ITGA8: variants seen among roughly 807,000 people sequenced by gnomAD.
ITGA8 encodes the protein integrin alpha-8.
Under a neutral mutation model 142.3 loss-of-function variants are expected in ITGA8, and 91 were observed. That is an observed-to-expected ratio of 0.64 (90% confidence interval 0.54 to 0.76). The LOEUF (loss-of-function observed/expected upper bound fraction) is 0.76. ITGA8 is among the 30% of genes least tolerant of loss of function. ITGA8 has a pLI of 0.00. For missense variants in ITGA8, 1,406 were observed against 1,327.7 expected (o/e 1.06, Z -0.92); for synonymous variants, 505 against 485.2 (o/e 1.04, Z -0.54).
chr10:15,549,691 A>T (rs936876295), intron 26 of ITGA8, among the ~76,000 whole-genome samples: 3 of 152,174 alleles, frequency 2.0e-5, no homozygotes, highest in African/African-American at 7.2e-5. Context: ...TTGGCCTGTG[A>T]GTACTCAATA....
chr10:15,572,067 A>G, intron 25 of ITGA8, 144 bp downstream of exon 25: 1 of 555,322 alleles, frequency 1.8e-6, no homozygotes. Flanking sequence ...TGGTGTTTTA[A>G]CTATAAAATG....
chr10:15,713,975 C>A (rs926041037), intron 2 of ITGA8, among the ~76,000 whole-genome samples: 7 of 152,070 alleles, frequency 4.6e-5, no homozygotes, highest in Admixed American at 3.9e-4. Flanking sequence ...ATCTCAATGG[C>A]ACCTCCTACC....
chr10:15,607,907 C>A (rs1833226122), intron 16 of ITGA8, 76 bp from the exon 17 acceptor site: 2 of 1,288,952 alleles, frequency 1.6e-6, no homozygotes, highest in African/African-American at 1.5e-5. Context: ...ATTTCTATTT[C>A]AAGTTGCTTA....
chr10:15,634,071 C>T (rs1191425727), intron 13 of ITGA8, among the ~76,000 whole-genome samples: 1 of 152,124 alleles, frequency 6.6e-6, no homozygotes, highest in Non-Finnish European at 1.5e-5. Context: ...TGCTTTCTCC[C>T]TACAACCACT....
intron 25 of ITGA8, among the ~76,000 whole-genome samples, chr10:15,565,282 AT>A: frequency 6.6e-6 from 1 of 152,324 alleles, no homozygotes; most frequent in East Asian, 1.9e-4. Context: ...GTACGTCACA[AT>A]TGGAGAGGAA....
At chr10:15,644,473 TATATATATATATATATATAGAA>T (rs1564388924) in intron 12 of ITGA8, among the ~76,000 whole-genome samples, 7 of 24,208 alleles carry the variant, frequency 2.9e-4, no homozygotes, top group East Asian at 2.8e-3. Context: ...TATATATATA[TATATATATATATATATATAGAA>T]TTTTTTTTTT....
At chr10:15,611,913 G>A (rs1833304673) in intron 15 of ITGA8, among the ~76,000 whole-genome samples, 1 of 152,040 alleles carries the variant, frequency 6.6e-6, no homozygotes, top group Non-Finnish European at 1.5e-5. Flanking sequence ...ATATCAGAGT[G>A]TACCACATGT....
intron 27 of ITGA8, among the ~76,000 whole-genome samples, chr10:15,535,854 C>G (rs1052841452): frequency 6.6e-6 from 1 of 152,136 alleles, no homozygotes; most frequent in Non-Finnish European, 1.5e-5. Flanking sequence ...GCTGCTGCTC[C>G]CTCTTTGGGT....
intron 24 of ITGA8, 108 bp from the exon 25 acceptor site, chr10:15,572,477 A>G: frequency 9.8e-7 from 1 of 1,018,570 alleles, no homozygotes; most frequent in Non-Finnish European, 1.4e-6. Context: ...ATTGGTTTTA[A>G]GTCATCTGGA....
At chr10:15,584,863 C>T (rs1048024063) in intron 23 of ITGA8, among the ~76,000 whole-genome samples, 3 of 152,026 alleles carry the variant, frequency 2.0e-5, no homozygotes, top group Non-Finnish European at 2.9e-5. Context: ...TTGAGACCAG[C>T]CTGGCCAACA....
intron 11 of ITGA8, among the ~76,000 whole-genome samples, chr10:15,650,919 G>T (rs1270002176): frequency 6.6e-6 from 1 of 152,092 alleles, no homozygotes; most frequent in Non-Finnish European, 1.5e-5. Context: ...ATTTTTTAGA[G>T]TTTTCTACTA....
At chr10:15,699,065 C>T (rs1171924120) in intron 2 of ITGA8, among the ~76,000 whole-genome samples, 1 of 152,172 alleles carries the variant, frequency 6.6e-6, no homozygotes, top group Non-Finnish European at 1.5e-5. Flanking sequence ...AGGCAGATCA[C>T]CTGAGGTCAG....
Position 15,517,052 on chromosome 10 carries a change from G to A in ITGA8, c.*106C>T. On this transcript the variant is annotated 3_prime_UTR_variant, in exon 30 of 30. Transcript: ENST00000378076. Reference sequence around the variant, plus strand: ...TTTCCAGGGTCCCCTCCATTTCCTGGGTCACTGTCAGGTATCAGAAAGCTT... The same window carrying A: ...TTTCCAGGGTCCCCTCCATTTCCTGAGTCACTGTCAGGTATCAGAAAGCTT... 1.4e-6 allele frequency: 1 copy of A among 707,252 alleles called. No individual in the cohort carries two copies. 43.8% of individuals were successfully genotyped at this position (707,252 alleles called of 1,614,324 possible). A position where few individuals can be genotyped will look rare whatever the true frequency, so the allele number is the denominator to read the frequency against.
rs201573051 is a variant in ITGA8, at chr10:15,517,218, A to T, written c.3132T>A (p.Pro1044=). The T allele has an allele frequency of 1.2e-6, 2 of 1,612,986 alleles. No homozygotes were observed. Among genetic ancestry groups the T allele is most frequent in the East Asian group, 2.2e-5 (1 of 44,840 alleles). Residue 1044 remains proline (P), a synonymous_variant, in exon 30 of 30, where the codon CCT becomes CCA. Transcript: ENST00000378076. The part of the protein sequence containing the change: ...WKCGFFDRAR[P]PQEDMTDREQ... ...CCCTGTCGGTCATGTCCTCCTGAGG[A>T]GGTCTGGCTCTGTCAAAGAATCCAC...
intron 2 of ITGA8, among the ~76,000 whole-genome samples, chr10:15,699,921 A>T (rs886418798): frequency 1.8e-4 from 27 of 152,164 alleles, no homozygotes; most frequent in African/African-American, 6.5e-4. Context: ...AAGGCTGATC[A>T]TCCTTTCCTG....
intron 25 of ITGA8, among the ~76,000 whole-genome samples, chr10:15,567,532 G>A (rs1209522408): frequency 6.6e-6 from 1 of 152,182 alleles, no homozygotes; most frequent in African/African-American, 2.4e-5. Context: ...CCTAGACCCT[G>A]AAGCCTGGAG....
chr10:15,683,904 C>T (rs137898860), intron 4 of ITGA8, 100 bp downstream of exon 4: 18,692 of 1,417,656 alleles, frequency 0.013, 158 homozygotes, highest in Non-Finnish European at 0.016. Context: ...TCCTTGCAAC[C>T]CTGTAAGTTA....
intron 26 of ITGA8, among the ~76,000 whole-genome samples, chr10:15,555,571 G>A (rs1243246761): frequency 2.0e-5 from 3 of 152,190 alleles, no homozygotes; most frequent in African/African-American, 7.2e-5. Flanking sequence ...AGTCTGGAGA[G>A]GGTCAGCAGC....
At chr10:15,638,075 A>G (rs1390405672) in intron 13 of ITGA8, among the ~76,000 whole-genome samples, 1 of 152,182 alleles carries the variant, frequency 6.6e-6, no homozygotes. Context: ...CATTACCAAC[A>G]TAACAGACTC....
Sources: gnomAD v4.1 joint callset for allele counts (sites outside exome capture counted in the v4.1 genomes callset) on GRCh38, gnomAD v4.1.1 for gene constraint, MANE v1.5 for transcripts, NCBI Gene and HGNC (gene_info 2026-07-23, HGNC 2026-07-21) for gene names.